CACNG3: variants seen among roughly 807,000 people sequenced by gnomAD.
The protein encoded by CACNG3 is voltage-dependent calcium channel gamma-3 subunit.
CACNG3 carries 3 observed loss-of-function variants against 28.5 expected under a neutral mutation model. That is an observed-to-expected ratio of 0.11 (90% confidence interval 0.05 to 0.27). The LOEUF is 0.27. Ranked by LOEUF, CACNG3 falls within the 10% of genes least tolerant of loss-of-function variation. CACNG3 has a pLI of 1.00. For missense variants in CACNG3, 236 were observed against 414.4 expected (o/e 0.57, Z 3.74); for synonymous variants, 174 against 162.2 (o/e 1.07, Z -0.55).
chr16:24,354,784 C>T, intron 2 of CACNG3, 49 bp from the exon 3 acceptor site: 1 of 1,595,140 alleles, frequency 6.3e-7, no homozygotes, highest in Non-Finnish European at 8.6e-7. Context: ...TGGGAGGACC[C>T]CAGGGGCTGG....
intron 1 of CACNG3, among the ~76,000 whole-genome samples, chr16:24,329,586 C>A (rs868662050): frequency 2.1e-4 from 32 of 152,170 alleles, no homozygotes; most frequent in African/African-American, 7.2e-4. Context: ...GGAGTTGAGA[C>A]GTCACTCTTT....
chr16:24,335,352 A>G (rs1899688762), intron 1 of CACNG3, among the ~76,000 whole-genome samples: 1 of 152,172 alleles, frequency 6.6e-6, no homozygotes, highest in African/African-American at 2.4e-5. Flanking sequence ...CCTGGGAGGC[A>G]GAAGTTGCAG....
intron 1 of CACNG3, among the ~76,000 whole-genome samples, chr16:24,328,201 G>C (rs1229815654): frequency 6.6e-6 from 1 of 151,968 alleles, no homozygotes; most frequent in Non-Finnish European, 1.5e-5. Flanking sequence ...ATTATTGGAT[G>C]GCATCAGCCT....
intron 1 of CACNG3, among the ~76,000 whole-genome samples, chr16:24,262,326 C>A (rs965441780): frequency 6.6e-6 from 1 of 152,252 alleles, no homozygotes; most frequent in East Asian, 1.9e-4. Context: ...AGTCTTAAGG[C>A]AGGATGGGAG....
intron 1 of CACNG3, among the ~76,000 whole-genome samples, chr16:24,306,405 T>C (rs1291017639): frequency 6.6e-6 from 1 of 152,194 alleles, no homozygotes; most frequent in Non-Finnish European, 1.5e-5. Flanking sequence ...TGCAAGAGTA[T>C]GGGGTAACAA....
chr16:24,309,901 CAGA>C (rs1899237594), intron 1 of CACNG3, among the ~76,000 whole-genome samples: 2 of 152,162 alleles, frequency 1.3e-5, no homozygotes, highest in Non-Finnish European at 2.9e-5. Context: ...AGCTGGATCA[CAGA>C]AGGTGTCATG....
At chr16:24,273,152 CT>C (rs901382073) in intron 1 of CACNG3, among the ~76,000 whole-genome samples, 32 of 152,218 alleles carry the variant, frequency 2.1e-4, no homozygotes, top group African/African-American at 7.5e-4. Context: ...TATGGAAGGG[CT>C]TTTCATGAGA....
At chr16:24,340,531 A>G (rs577425526) in intron 1 of CACNG3, among the ~76,000 whole-genome samples, 8 of 152,334 alleles carry the variant, frequency 5.3e-5, no homozygotes, top group African/African-American at 1.9e-4. Flanking sequence ...ATAAATATGT[A>G]CGATTGTTAC....
intron 1 of CACNG3, among the ~76,000 whole-genome samples, chr16:24,328,913 T>A (rs891777727): frequency 1.3e-5 from 2 of 152,148 alleles, no homozygotes; most frequent in African/African-American, 4.8e-5. Context: ...CTTCATCACA[T>A]ACACACATAC....
chr16:24,328,334 C>A (rs1899585332), intron 1 of CACNG3, among the ~76,000 whole-genome samples: 1 of 151,008 alleles, frequency 6.6e-6, no homozygotes, highest in African/African-American at 2.4e-5. Flanking sequence ...AAAGATAAAA[C>A]AAAGCCTGTG....
rs1196981353 is a variant in CACNG3, at chr16:24,256,979, C to T, written c.211+14C>T. On this transcript the variant is annotated intron_variant, in intron 1 of 3. Transcript: ENST00000005284. This position sits in a 1 kb window ranked among gnomAD's most constrained non-coding sequence, Gnocchi z 4.6. ...GCTGCCTAGAAGGTATTTACAATTT[C>T]CTCTCAATAGCTCTGAATAATCCAG... The T allele has an allele frequency of 4.0e-6, 6 of 1,495,726 alleles. No homozygotes were observed. Among genetic ancestry groups the T allele is most frequent in the Non-Finnish European group, 5.6e-6 (6 of 1,072,100 alleles). The allele number at this position is 1,495,726 out of a possible 1,614,324, so 92.7% of individuals were successfully genotyped here. A position where few individuals can be genotyped will look rare whatever the true frequency, so the allele number is the denominator to read the frequency against.
At chr16:24,284,050 A>T (rs1350296839) in intron 1 of CACNG3, among the ~76,000 whole-genome samples, 1 of 152,194 alleles carries the variant, frequency 6.6e-6, no homozygotes, top group African/African-American at 2.4e-5. Flanking sequence ...TTAATAGGGT[A>T]AGTTATGTTA....
chr16:24,279,985 T>C (rs1660568859), intron 1 of CACNG3, among the ~76,000 whole-genome samples: 1 of 152,214 alleles, frequency 6.6e-6, no homozygotes, highest in South Asian at 2.1e-4. Context: ...TACTTCCATA[T>C]ATATGGAGCT....
intron 3 of CACNG3, among the ~76,000 whole-genome samples, chr16:24,357,721 A>C (rs1900051245): frequency 6.6e-6 from 1 of 152,192 alleles, no homozygotes; most frequent in Admixed American, 6.5e-5. Flanking sequence ...TTTTGTCTTG[A>C]GGCACGCTCC....
At chr16:24,331,168 G>A (rs1899626485) in intron 1 of CACNG3, among the ~76,000 whole-genome samples, 1 of 152,098 alleles carries the variant, frequency 6.6e-6, no homozygotes, top group Admixed American at 6.5e-5. Context: ...AGGAAGGGCT[G>A]GGCTCTTGGC....
intron 1 of CACNG3, among the ~76,000 whole-genome samples, chr16:24,272,863 G>A (rs2141348078): frequency 6.6e-6 from 1 of 152,126 alleles, no homozygotes; most frequent in Non-Finnish European, 1.5e-5. Context: ...TTTATTTTAA[G>A]TTCAGGGGTA....
At chr16:24,280,821 C>CAA (rs71154295) in intron 1 of CACNG3, among the ~76,000 whole-genome samples, 840 of 55,454 alleles carry the variant, frequency 0.015, 70 homozygotes, top group African/African-American at 0.05. Flanking sequence ...GAGTTTGTCT[C>CAA]AAAAAAAAAA....
intron 1 of CACNG3, among the ~76,000 whole-genome samples, chr16:24,262,329 G>C (rs1460845073): frequency 6.6e-6 from 1 of 152,226 alleles, no homozygotes; most frequent in Non-Finnish European, 1.5e-5. Flanking sequence ...CTTAAGGCAG[G>C]ATGGGAGGGA....
intron 1 of CACNG3, among the ~76,000 whole-genome samples, chr16:24,284,861 A>G (rs1044930501): frequency 2.7e-5 from 4 of 149,026 alleles, no homozygotes; most frequent in African/African-American, 9.9e-5. Context: ...GTGATTAACT[A>G]GCTTGCCATT....
Sources: gnomAD v4.1 joint callset for allele counts (sites outside exome capture counted in the v4.1 genomes callset) on GRCh38, gnomAD v4.1.1 for gene constraint, Gnocchi (gnomAD v3.1) non-coding constraint, MANE v1.5 for transcripts, NCBI Gene and HGNC (gene_info 2026-07-23, HGNC 2026-07-21) for gene names.